Variants in TMCC3 observed in about 807,000 individuals in gnomAD.
TMCC3 encodes transmembrane and coiled-coil domain family 3.
A neutral mutation model predicts 40.2 loss-of-function variants in TMCC3; 28 were observed. The observed-to-expected ratio is 0.70, with a 90% CI of 0.52 to 0.95. The LOEUF (loss-of-function observed/expected upper bound fraction) is 0.95, where lower values mean the gene tolerates loss of function less well. Among genes scored for constraint, TMCC3 ranks in the 40% least tolerant of loss-of-function variants. The pLI is 0.00. For synonymous variants in TMCC3, 255 were observed against 248.5 expected (o/e 1.03, Z -0.25); for missense variants, 554 against 615.2 (o/e 0.90, Z 1.05).
intron 1 of TMCC3, among the ~76,000 whole-genome samples, chr12:94,640,473 C>T (rs1291667586): frequency 6.6e-6 from 1 of 152,186 alleles, no homozygotes; most frequent in Non-Finnish European, 1.5e-5. Context: ...CGTGAGCCAC[C>T]ACACCCAGTG....
chr12:94,605,360 C>T (rs1356256582), intron 1 of TMCC3, among the ~76,000 whole-genome samples: 1 of 152,204 alleles, frequency 6.6e-6, no homozygotes, highest in Non-Finnish European at 1.5e-5. Flanking sequence ...CTATACTACA[C>T]AGAGGGATTT....
rs2068507459 is a variant in TMCC3, at chr12:94,568,382, T to C, written c.*3053A>G. On this transcript the variant is annotated 3_prime_UTR_variant, in exon 4 of 4. Coordinates refer to ENST00000261226, the MANE Select transcript of TMCC3 (RefSeq NM_020698.4). The stretch of plus-strand genomic sequence containing the variant: ...CTATGTCACCAGATAAACCCAGTGC[T>C]AGAATCCAATGTCCAGCATCTTCAA... 6.6e-6 allele frequency: 1 copy of C among 151,984 alleles called. No individual in the cohort carries two copies. Among genetic ancestry groups the C allele is most frequent in the African/African-American group, 2.4e-5 (1 of 41,384 alleles). The allele number at this position is 151,984 out of a possible 1,614,324, so 9.4% of individuals were successfully genotyped here.
chr12:94,640,214 T>A (rs562865442), intron 1 of TMCC3, among the ~76,000 whole-genome samples: 1 of 152,198 alleles, frequency 6.6e-6, no homozygotes, highest in Non-Finnish European at 1.5e-5. Flanking sequence ...ATCACCCAGG[T>A]TGGAGTGCAC....
In TMCC3 at chr12:94,650,437, G is replaced by T; in HGVS notation, c.-7C>A. The T allele has an allele frequency of 7.8e-7, 1 of 1,285,934 alleles. No homozygotes were observed. Among genetic ancestry groups the T allele is most frequent in the African/African-American group, 1.5e-5 (1 of 64,596 alleles). 79.7% of individuals were successfully genotyped at this position (1,285,934 alleles called of 1,614,324 possible). On this transcript the variant is annotated 5_prime_UTR_variant, in exon 1 of 4. Transcript: ENST00000261226. ...CCGTGTCGCTGCCCGGCATCTCCGC[G>T]CTCCGGCCGCGAACTTTCCCGTCTT...
At chr12:94,619,697 G>A (rs2068865123) in intron 1 of TMCC3, among the ~76,000 whole-genome samples, 1 of 152,092 alleles carries the variant, frequency 6.6e-6, no homozygotes, top group African/African-American at 2.4e-5. Context: ...ATCTAAATAT[G>A]GTTATAGAGA....
intron 3 of TMCC3, among the ~76,000 whole-genome samples, chr12:94,573,961 C>T (rs374444647): frequency 4.6e-4 from 70 of 152,320 alleles, no homozygotes; most frequent in African/African-American, 1.5e-3. Flanking sequence ...ACAAGACATA[C>T]GCTGCCTGAG....
At chr12:94,577,494 T>C (rs1170372148) in intron 3 of TMCC3, among the ~76,000 whole-genome samples, 2 of 152,172 alleles carry the variant, frequency 1.3e-5, no homozygotes, top group African/African-American at 4.8e-5. Flanking sequence ...GCTATTATTT[T>C]ACAGATGAGT....
At chr12:94,624,071 A>C (rs2068890045) in intron 1 of TMCC3, among the ~76,000 whole-genome samples, 1 of 152,202 alleles carries the variant, frequency 6.6e-6, no homozygotes, top group African/African-American at 2.4e-5. Flanking sequence ...ATCACCCAAA[A>C]CTGCAATACG....
chr12:94,601,801 CTG>C (rs2068754056), intron 1 of TMCC3, among the ~76,000 whole-genome samples: 1 of 98,244 alleles, frequency 1.0e-5, no homozygotes, highest in African/African-American at 4.5e-5. Context: ...AGAGTGAGAC[CTG>C]GTCTCAAAAA....
At chr12:94,578,558 G>C (rs776646517) in intron 2 of TMCC3, 29 bp from the exon 3 acceptor site, 2 of 1,603,428 alleles carry the variant, frequency 1.2e-6, no homozygotes, top group South Asian at 2.2e-5. Flanking sequence ...GATTCCCAGT[G>C]TGACCTTTCA....
chr12:94,641,542 T>A (rs2068991038), intron 1 of TMCC3, among the ~76,000 whole-genome samples: 2 of 152,342 alleles, frequency 1.3e-5, no homozygotes, highest in South Asian at 4.1e-4. Context: ...CCATGGGCCA[T>A]CGGACTCAAG....
intron 1 of TMCC3, among the ~76,000 whole-genome samples, chr12:94,593,809 T>C (rs2068698328): frequency 6.6e-6 from 1 of 152,152 alleles, no homozygotes; most frequent in Non-Finnish European, 1.5e-5. Flanking sequence ...ACACTTCCAA[T>C]AAATACAAAC....
chr12:94,622,069 T>C (rs1451633061), intron 1 of TMCC3, among the ~76,000 whole-genome samples: 2 of 152,218 alleles, frequency 1.3e-5, no homozygotes, highest in African/African-American at 4.8e-5. Flanking sequence ...AGTTTTCGGA[T>C]CACACCATTT....
At chr12:94,630,605 A>G (rs1056352884) in intron 1 of TMCC3, among the ~76,000 whole-genome samples, 5 of 152,212 alleles carry the variant, frequency 3.3e-5, no homozygotes, top group Admixed American at 1.3e-4. Context: ...GCCTTGTCAT[A>G]GTGCTGGCAA....
At chr12:94,607,833 C>T (rs1460791212) in intron 1 of TMCC3, among the ~76,000 whole-genome samples, 1 of 152,182 alleles carries the variant, frequency 6.6e-6, no homozygotes, top group African/African-American at 2.4e-5. Context: ...GTTAGGGGAC[C>T]ATCTGTTCAT....
chr12:94,628,728 T>C (rs1437248547), intron 1 of TMCC3, among the ~76,000 whole-genome samples: 1 of 152,158 alleles, frequency 6.6e-6, no homozygotes, highest in Non-Finnish European at 1.5e-5. Flanking sequence ...CTAAGTCCCT[T>C]GTGGGTTAGA....
intron 1 of TMCC3, among the ~76,000 whole-genome samples, chr12:94,647,958 A>G (rs2069029311): frequency 6.6e-6 from 1 of 152,172 alleles, no homozygotes; most frequent in Admixed American, 6.5e-5. Flanking sequence ...AAAAACCTAA[A>G]AGCAGATAGC....
Position 94,581,820 on chromosome 12 carries a change from T to C in TMCC3, c.797A>G (p.Asp266Gly), listed in dbSNP as rs2068603778. ...ECSSGTSGSA[D>G]SNGNQSFGAG... The stretch of plus-strand genomic sequence containing the variant: ...CCCAAACGACTGGTTTCCGTTACTG[T>C]CGGCCGAGCCTGACGTGCCACTCGA... Residue 266 changes from aspartate to glycine, a missense_variant, in exon 2 of 4, where the codon GAC (aspartate) becomes GGC (glycine). Transcript: ENST00000261226. The C allele has an allele frequency of 6.2e-7, 1 of 1,614,102 alleles. No individual in the cohort carries two copies. The highest frequency in any genetic ancestry group is 8.5e-7 in the Non-Finnish European group (1 of 1,179,932).
At chr12:94,642,887 G>A (rs1433504088) in intron 1 of TMCC3, among the ~76,000 whole-genome samples, 1 of 152,066 alleles carries the variant, frequency 6.6e-6, no homozygotes. Context: ...CCATGCGGCA[G>A]GGTACACTAT....
Sources: gnomAD v4.1 joint callset for allele counts (sites outside exome capture counted in the v4.1 genomes callset) on GRCh38, gnomAD v4.1.1 for gene constraint, MANE v1.5 for transcripts, NCBI Gene and HGNC (gene_info 2026-07-23, HGNC 2026-07-21) for gene names.